Variants in KIF26B observed in about 807,000 individuals in gnomAD.
The protein encoded by KIF26B is kinesin-like protein KIF26B.
Under a neutral mutation model 151.2 loss-of-function variants are expected in KIF26B, and 63 were observed. That is an observed-to-expected ratio of 0.42 (90% CI 0.34 to 0.51). KIF26B has a LOEUF of 0.51. Among genes scored for constraint, KIF26B ranks in the 20% least tolerant of loss-of-function variants. KIF26B has a pLI of 0.07. For synonymous variants in KIF26B, 1,357 were observed against 1,262.1 expected (o/e 1.08, Z -1.59); for missense variants, 2,813 against 2,913.6 (o/e 0.97, Z 0.79).
intron 9 of KIF26B, among the ~76,000 whole-genome samples, chr1:245,627,302 A>G (rs2043733729): frequency 6.6e-6 from 1 of 152,192 alleles, no homozygotes; most frequent in African/African-American, 2.4e-5. Context: ...TGCTTTGAGT[A>G]GGATGGTCAT....
chr1:245,522,636 G>A (rs1417907927), intron 4 of KIF26B, among the ~76,000 whole-genome samples: 1 of 152,178 alleles, frequency 6.6e-6, no homozygotes, highest in Non-Finnish European at 1.5e-5. Flanking sequence ...GGCTGTGGAA[G>A]ACCCCAGTTT....
rs1216278734 is a variant in KIF26B, at chr1:245,686,909, C to T, written c.3926C>T (p.Ala1309Val). The change falls in exon 12 of 15, where the codon GCA (alanine) becomes GTA (valine). Residue 1309 changes from alanine (A) to valine (V), a missense_variant. Around this residue, in one of 3 missense-constraint regions of KIF26B, gnomAD observed 2,060 missense variants for 2,088.6 expected, o/e 0.99. Transcript: ENST00000407071. The surrounding 1 kb of genome is among the most constrained non-coding windows in gnomAD (Gnocchi z 5.6). The stretch of plus-strand genomic sequence containing the variant: ...CAGACGTGTTTTGGGCACGGGGAGG[C>T]AATGGCAGAACCTGTGGCCTCGGAG... The part of the protein sequence containing the change: ...IAQTCFGHGE[A>V]MAEPVASEFV... The T allele has an allele frequency of 6.2e-7, 1 of 1,613,222 alleles. No individual in the cohort carries two copies. Among genetic ancestry groups the T allele is most frequent in the African/African-American group, 1.3e-5 (1 of 74,918 alleles).
intron 10 of KIF26B, among the ~76,000 whole-genome samples, chr1:245,679,720 C>T (rs187835026): frequency 3.2e-4 from 49 of 152,274 alleles, no homozygotes; most frequent in Admixed American, 7.2e-4. Flanking sequence ...CTGCCCGCCT[C>T]AGCCTCTCAA....
chr1:245,203,839 G>A (rs73127117), intron 2 of KIF26B, among the ~76,000 whole-genome samples: 3,943 of 152,310 alleles, frequency 0.026, 147 homozygotes, highest in African/African-American at 0.084. Flanking sequence ...CTTCCTGTAT[G>A]TTTTGTGGCT....
chr1:245,319,159 T>A (rs142170544), intron 2 of KIF26B, among the ~76,000 whole-genome samples: 22 of 152,364 alleles, frequency 1.4e-4, no homozygotes, highest in Non-Finnish European at 2.9e-4. Context: ...ACAAACATTA[T>A]ACAAGCCATG....
intron 2 of KIF26B, among the ~76,000 whole-genome samples, chr1:245,280,104 G>T (rs777803201): frequency 1.3e-5 from 2 of 152,078 alleles, no homozygotes; most frequent in Non-Finnish European, 2.9e-5. Context: ...GAGCCTAGCT[G>T]CTGCTCCCCA....
chr1:245,605,607 G>C (rs1159095592), intron 6 of KIF26B, among the ~76,000 whole-genome samples: 1 of 152,140 alleles, frequency 6.6e-6, no homozygotes, highest in Non-Finnish European at 1.5e-5. Context: ...ACCCCTGCTG[G>C]AGAACCTGGA....
chr1:245,352,626 CT>C lies in KIF26B; in HGVS notation c.466-14202del, dbSNP rs974301604. On this transcript the variant is annotated intron_variant, in intron 2 of 14. Transcript: ENST00000407071. The surrounding 1 kb of genome is among the most constrained non-coding windows in gnomAD (Gnocchi z 5.0). ...GGAGTACAGTTTTGTCATTTTAATC[CT>C]TTTTTGGACCACAACAATCACTTTA... Among the ~76,000 whole-genome samples the C allele has an allele frequency of 6.6e-6, 1 of 152,108 alleles. No individual in the cohort carries two copies. Among genetic ancestry groups the C allele is most frequent in the African/African-American group, 2.4e-5 (1 of 41,408 alleles).
intron 3 of KIF26B, among the ~76,000 whole-genome samples, chr1:245,369,938 A>G (rs1269583627): frequency 6.6e-6 from 1 of 152,234 alleles, no homozygotes; most frequent in East Asian, 1.9e-4. Flanking sequence ...CCTTGGAAGT[A>G]ACCTTCTAGG....
At chr1:245,416,758 C>T (rs574292400) in intron 3 of KIF26B, among the ~76,000 whole-genome samples, 30 of 152,094 alleles carry the variant, frequency 2.0e-4, no homozygotes, top group African/African-American at 6.7e-4. Context: ...GGACCTTGCC[C>T]GAGGCTGGAG....
intron 2 of KIF26B, 21 bp downstream of exon 2, chr1:245,156,704 G>C: frequency 7.1e-7 from 1 of 1,410,298 alleles, no homozygotes; most frequent in Non-Finnish European, 9.2e-7. Flanking sequence ...CGCGGGGCTG[G>C]CTGGGGAGGC....
intron 10 of KIF26B, among the ~76,000 whole-genome samples, chr1:245,661,882 CCA>C (rs2044145666): frequency 7.0e-6 from 1 of 142,874 alleles, no homozygotes; most frequent in South Asian, 2.3e-4. Flanking sequence ...ACACATACCC[CCA>C]TATATATACA....
intron 3 of KIF26B, among the ~76,000 whole-genome samples, chr1:245,410,526 G>C (rs1174450961): frequency 6.6e-6 from 1 of 152,128 alleles, no homozygotes; most frequent in African/African-American, 2.4e-5. Flanking sequence ...ATAGCTCACT[G>C]TAGCCCCCAA....
At chr1:245,689,036 C>A (rs548055804) in intron 12 of KIF26B, among the ~76,000 whole-genome samples, 8 of 152,158 alleles carry the variant, frequency 5.3e-5, no homozygotes, top group Non-Finnish European at 1.2e-4. Flanking sequence ...CGCGGGGCTC[C>A]GCCGGGGACA....
At chr1:245,472,684 C>T (rs770322839) in intron 4 of KIF26B, among the ~76,000 whole-genome samples, 22 of 152,156 alleles carry the variant, frequency 1.4e-4, no homozygotes, top group African/African-American at 2.4e-4. Context: ...CGTGGTTGGC[C>T]GTCTTTCTCT....
intron 4 of KIF26B, among the ~76,000 whole-genome samples, chr1:245,519,232 C>T (rs1661034643): frequency 1.3e-5 from 2 of 151,768 alleles, no homozygotes; most frequent in Admixed American, 1.3e-4. Flanking sequence ...TTTGAGTATC[C>T]AACAGAGAAA....
At chr1:245,264,484 T>C (rs1392784296) in intron 2 of KIF26B, among the ~76,000 whole-genome samples, 2 of 152,164 alleles carry the variant, frequency 1.3e-5, no homozygotes, top group Non-Finnish European at 2.9e-5. Flanking sequence ...TTCACTGTGA[T>C]CTCTTCACTG....
intron 2 of KIF26B, among the ~76,000 whole-genome samples, chr1:245,283,316 A>C (rs1573751861): frequency 6.7e-6 from 1 of 150,172 alleles, no homozygotes; most frequent in African/African-American, 2.5e-5. Flanking sequence ...AAGCCCAACC[A>C]CCTCAAGCCC....
chr1:245,474,302 G>T (rs1657660033), intron 4 of KIF26B, among the ~76,000 whole-genome samples: 1 of 151,110 alleles, frequency 6.6e-6, no homozygotes, highest in African/African-American at 2.4e-5. Flanking sequence ...TAGAGATGGG[G>T]TTTCACCACA....
Sources: allele counts gnomAD v4.1 joint callset (sites outside exome capture counted in the v4.1 genomes callset), GRCh38; gene constraint gnomAD v4.1.1; regional missense constraint gnomAD v4.1.1; non-coding constraint Gnocchi (gnomAD v3.1); transcripts MANE v1.5; gene names NCBI Gene and HGNC (gene_info 2026-07-23, HGNC 2026-07-21).